The following GRIA3 variants were observed in gnomAD, a reference collection of about 807,000 sequenced individuals.
GRIA3 encodes the protein glutamate ionotropic receptor AMPA type subunit 3.
Under a neutral mutation model 63.0 loss-of-function variants are expected in GRIA3, and 3 were observed. That is an observed-to-expected ratio of 0.05 (90% CI 0.02 to 0.12). The LOEUF is 0.12. Among genes scored for constraint, GRIA3 ranks in the 10% least tolerant of loss-of-function variants. The pLI, the probability that GRIA3 is intolerant of heterozygous loss-of-function variation, is 1.00. For missense variants in GRIA3, 347 were observed against 700.9 expected (o/e 0.50, Z 5.70); for synonymous variants, 274 against 257.9 (o/e 1.06, Z -0.60).
At chrX:123,394,484 C>T (rs1193787013) in intron 5 of GRIA3, among the ~76,000 whole-genome samples, 1 of 112,230 alleles carries the variant, frequency 8.9e-6, no homozygotes, top group East Asian at 2.8e-4. Flanking sequence ...GTCAGTTTCA[C>T]TCATTGGCAT....
intron 13 of GRIA3, among the ~76,000 whole-genome samples, chrX:123,476,852 C>T (rs1040759579): frequency 1.8e-5 from 2 of 111,277 alleles, no homozygotes; most frequent in African/African-American, 6.5e-5. Flanking sequence ...TAGCATCTCC[C>T]GGCCCCGACC....
chrX:123,393,424 T>TA (rs1244117567), intron 5 of GRIA3, among the ~76,000 whole-genome samples: 1 of 112,177 alleles, frequency 8.9e-6, no homozygotes, highest in Non-Finnish European at 1.9e-5. Flanking sequence ...TTTAGACTGT[T>TA]AAAAAAGAGA....
At chrX:123,194,957 C>G (rs1927535528) in intron 2 of GRIA3, among the ~76,000 whole-genome samples, 1 of 112,588 alleles carries the variant, frequency 8.9e-6, no homozygotes, top group Admixed American at 9.3e-5. Context: ...CCTCAAGTCA[C>G]AGTCTCTGAG....
chrX:123,195,907 C>T (rs771690892), intron 2 of GRIA3, among the ~76,000 whole-genome samples: 19 of 111,593 alleles, frequency 1.7e-4, no homozygotes, highest in Non-Finnish European at 3.0e-4. Context: ...GTGCCATGTA[C>T]ATACACTCTA....
intron 13 of GRIA3, among the ~76,000 whole-genome samples, chrX:123,466,210 G>A (rs1603172925): frequency 8.9e-6 from 1 of 111,836 alleles, no homozygotes; most frequent in East Asian, 2.8e-4. Flanking sequence ...TGTGATGGTT[G>A]CTCACAGAGG....
chrX:123,303,473 C>A (rs1031928975), intron 3 of GRIA3, among the ~76,000 whole-genome samples: 1 of 111,199 alleles, frequency 9.0e-6, no homozygotes, highest in Non-Finnish European at 1.9e-5. Flanking sequence ...GAGTCATAAG[C>A]TTCACTATGT....
intron 3 of GRIA3, among the ~76,000 whole-genome samples, chrX:123,314,576 C>A (rs1414791296): frequency 8.9e-6 from 1 of 112,125 alleles, no homozygotes; most frequent in Admixed American, 9.5e-5. Flanking sequence ...TCTAAATTTC[C>A]TTTCAGCTGA....
At chrX:123,371,747 A>G (rs1182685240) in intron 5 of GRIA3, among the ~76,000 whole-genome samples, 2 of 110,975 alleles carry the variant, frequency 1.8e-5, no homozygotes, top group East Asian at 5.6e-4. Flanking sequence ...TTTTTTTCCT[A>G]TAGAGTTCCT....
At chrX:123,192,878 T>C (rs1356575081) in intron 2 of GRIA3, among the ~76,000 whole-genome samples, 1 of 111,224 alleles carries the variant, frequency 9.0e-6, no homozygotes, top group African/African-American at 3.3e-5. Flanking sequence ...AGGTCTGTGA[T>C]GGTGCCCAAG....
intron 2 of GRIA3, among the ~76,000 whole-genome samples, chrX:123,193,384 G>A: frequency 9.0e-6 from 1 of 111,586 alleles, no homozygotes; most frequent in East Asian, 2.8e-4. Flanking sequence ...CATGCCAGAA[G>A]GAGGAATGTA....
chrX:123,247,813 G>A (rs1603046990), intron 2 of GRIA3, among the ~76,000 whole-genome samples: 1 of 111,384 alleles, frequency 9.0e-6, no homozygotes, highest in Non-Finnish European at 1.9e-5. Context: ...TGAGATAGAG[G>A]GCAATGGTTA....
At chrX:123,211,176 A>G (rs758009616) in intron 2 of GRIA3, among the ~76,000 whole-genome samples, 1 of 110,738 alleles carries the variant, frequency 9.0e-6, no homozygotes, top group African/African-American at 3.4e-5. Context: ...ACTTAAAGAC[A>G]CTCAAAAAAA....
chrX:123,488,064 C>T (rs146144094), intron 15 of GRIA3, among the ~76,000 whole-genome samples: 1,283 of 111,911 alleles, frequency 0.011, 17 homozygotes, highest in African/African-American at 0.039. Context: ...AATGAATCCC[C>T]TGCACTAGTT....
intron 2 of GRIA3, 88 bp from the exon 3 acceptor site, chrX:123,253,215 G>A: frequency 9.4e-7 from 1 of 1,059,939 alleles, no homozygotes; most frequent in South Asian, 1.9e-5. Context: ...GCAATTTGGG[G>A]CCTAATTGTA....
At chrX:123,298,244 C>A (rs1569415943) in intron 3 of GRIA3, among the ~76,000 whole-genome samples, 1 of 111,203 alleles carries the variant, frequency 9.0e-6, no homozygotes, top group Non-Finnish European at 1.9e-5. Context: ...TGGGTATATG[C>A]CCAGTAATGG....
Position 123,471,990 on chromosome X carries a change from CATATATAT to C in GRIA3, c.2324+6903_2324+6910del, listed in dbSNP as rs760824587. ...AATATATACCTAAGGCAATGGCATT[CATATATAT>C]ATATATATATATATATATATATATG... On this transcript the variant is annotated intron_variant, in intron 13 of 15. Transcript: ENST00000620443. Among the ~76,000 whole-genome samples the C allele has an allele frequency of 4.1e-3, 55 of 13,412 alleles. 9 individuals carry two copies. The highest frequency in any genetic ancestry group is 0.012 in the South Asian group (1 of 84). 11.6% of individuals were successfully genotyped at this position (13,412 alleles called of 115,157 possible). A position where few individuals can be genotyped will look rare whatever the true frequency, so the allele number is the denominator to read the frequency against.
At chrX:123,295,527 T>C (rs1339351885) in intron 3 of GRIA3, among the ~76,000 whole-genome samples, 1 of 111,156 alleles carries the variant, frequency 9.0e-6, no homozygotes, top group Non-Finnish European at 1.9e-5. Context: ...GTTCTTTATG[T>C]TACAGGTTAC....
intron 2 of GRIA3, among the ~76,000 whole-genome samples, chrX:123,203,475 C>T (rs780874952): frequency 1.4e-4 from 16 of 111,481 alleles, no homozygotes; most frequent in South Asian, 3.8e-4. Context: ...AATGATATCA[C>T]GAGGTTCCCT....
intron 2 of GRIA3, among the ~76,000 whole-genome samples, chrX:123,240,944 G>A: frequency 8.9e-6 from 1 of 112,065 alleles, no homozygotes; most frequent in Non-Finnish European, 1.9e-5. Flanking sequence ...GTGAATGTGT[G>A]TGAAGAACCA....
Sources: gnomAD v4.1 joint callset for allele counts (sites outside exome capture counted in the v4.1 genomes callset) on GRCh38, gnomAD v4.1.1 for gene constraint, MANE v1.5 for transcripts, NCBI Gene and HGNC (gene_info 2026-07-23, HGNC 2026-07-21) for gene names.